IPO8: variants seen among roughly 807,000 people sequenced by gnomAD.
IPO8 encodes the protein importin 8, also known as importin-8.
A neutral mutation model predicts 141.2 loss-of-function variants in IPO8; 65 were observed. The ratio of observed to expected loss-of-function variants is 0.46; its 90% CI spans 0.38 to 0.57. The LOEUF is 0.57. IPO8 is among the 20% of genes least tolerant of loss of function. The pLI, the probability that IPO8 is intolerant of heterozygous loss-of-function variation, is 0.00. For missense variants in IPO8, 980 were observed against 1,246.8 expected, an observed-to-expected ratio of 0.79 and a Z score of 3.22; for synonymous variants, 411 against 420.3, an observed-to-expected ratio of 0.98 and a Z score of 0.27.
chr12:30,690,591 G>C lies in IPO8; in HGVS notation c.85-14C>G. ...AATCTTGTAGGACTGAAATTACAAAGAAATGTTTTATAAAATAGGGCAATA... is the reference window on the plus strand; with the variant it reads ...AATCTTGTAGGACTGAAATTACAAACAAATGTTTTATAAAATAGGGCAATA... On this transcript the variant is annotated splice_polypyrimidine_tract_variant and intron_variant, in intron 1 of 24. Coordinates refer to ENST00000256079, the MANE Select transcript of IPO8 (RefSeq NM_006390.4). The C allele has an allele frequency of 6.8e-7, 1 of 1,464,164 alleles. No individual in the cohort carries two copies. The highest frequency in any genetic ancestry group is 9.4e-7 in the Non-Finnish European group (1 of 1,061,668). The allele number at this position is 1,464,164 out of a possible 1,614,324, so 90.7% of individuals were successfully genotyped here.
intron 20 of IPO8, among the ~76,000 whole-genome samples, chr12:30,647,437 C>T (rs2136135310): frequency 6.6e-6 from 1 of 151,500 alleles, no homozygotes; most frequent in South Asian, 2.1e-4. Flanking sequence ...GTGGCTCATA[C>T]CTGTAGTCCC....
In IPO8 at chr12:30,668,541, C is replaced by T. The variant is rs1019124816; in HGVS notation, c.1144+642G>A. Among the ~76,000 whole-genome samples, 7 of 152,284 alleles carry T rather than the reference C, an allele frequency of 4.6e-5. No individual in the cohort carries two copies. In the South Asian group the frequency reaches 1.2e-3, roughly 27 times the overall value. On this transcript the variant is annotated intron_variant, in intron 10 of 24. Transcript: ENST00000256079. ...AAATTAAGCAAATAAGGTAAAATTC[C>T]TGTCCTGAGAAAGCTTCTAAGTTGT...
At chr12:30,671,685 A>G (rs1344146010) in intron 8 of IPO8, among the ~76,000 whole-genome samples, 8 of 150,700 alleles carry the variant, frequency 5.3e-5, no homozygotes, top group South Asian at 2.1e-4. Context: ...AAAAAAAAAA[A>G]AAAAAAAAAA....
chr12:30,683,328 A>G (rs1045998072), intron 3 of IPO8, among the ~76,000 whole-genome samples: 2 of 152,056 alleles, frequency 1.3e-5, no homozygotes, highest in Non-Finnish European at 2.9e-5. Context: ...TAAGAGTTCA[A>G]TGTTTGTTCT....
intron 5 of IPO8, chr12:30,676,900 T>C (rs1378715641): frequency 6.6e-7 from 1 of 1,519,234 alleles, no homozygotes; most frequent in Non-Finnish European, 8.8e-7. Flanking sequence ...ACTTACCCCT[T>C]TGAGGGTCAA....
At position 30,695,463 on chromosome 12, in the gene IPO8, C is replaced by T; in HGVS notation, c.84+101G>A. On this transcript the variant is annotated intron_variant, in intron 1 of 24. Transcript: ENST00000256079. This position sits in a 1 kb window ranked among gnomAD's most constrained non-coding sequence, Gnocchi z 4.2. ...CCAGCCGTGAGGCGTCAGCCCCAGC[C>T]CGGTGGGGGTGAGGACGAGGGGCGC... The T allele has an allele frequency of 9.8e-7, 1 of 1,023,894 alleles. No individual in the cohort carries two copies. Among genetic ancestry groups the T allele is most frequent in the Non-Finnish European group, 1.5e-6 (1 of 670,794 alleles). The allele number at this position is 1,023,894 out of a possible 1,614,324, so 63.4% of individuals were successfully genotyped here. A position where few individuals can be genotyped will look rare whatever the true frequency, so the allele number is the denominator to read the frequency against.
At chr12:30,631,399 C>A (rs538820825) in intron 24 of IPO8, among the ~76,000 whole-genome samples, 1 of 152,292 alleles carries the variant, frequency 6.6e-6, no homozygotes, top group South Asian at 2.1e-4. Flanking sequence ...TGACAATCTA[C>A]AAGTAACTAC....
intron 19 of IPO8, among the ~76,000 whole-genome samples, chr12:30,651,849 T>C (rs1311101491): frequency 1.3e-5 from 2 of 152,044 alleles, no homozygotes; most frequent in African/African-American, 2.4e-5. Context: ...TTCCAATATA[T>C]ACATTAAATT....
At chr12:30,646,568 A>T (rs1340853469) in intron 20 of IPO8, among the ~76,000 whole-genome samples, 3 of 152,168 alleles carry the variant, frequency 2.0e-5, no homozygotes. Flanking sequence ...AGATAATATG[A>T]TCCTGTTTAC....
At chr12:30,669,665 T>C (rs1179519983) in intron 9 of IPO8, among the ~76,000 whole-genome samples, 2 of 151,568 alleles carry the variant, frequency 1.3e-5, no homozygotes, top group African/African-American at 4.9e-5. Flanking sequence ...CATGGTGGCG[T>C]CCATCTTGGA....
At chr12:30,678,060 G>A (rs928086245) in intron 5 of IPO8, among the ~76,000 whole-genome samples, 3 of 151,240 alleles carry the variant, frequency 2.0e-5, no homozygotes, top group African/African-American at 4.9e-5. Context: ...GGGAGGCGGA[G>A]GTGGCAGTGA....
At chr12:30,667,071 A>G (rs574125707) in intron 10 of IPO8, among the ~76,000 whole-genome samples, 1 of 152,358 alleles carries the variant, frequency 6.6e-6, no homozygotes, top group South Asian at 2.1e-4. Flanking sequence ...CCTTGTTTAA[A>G]TACAAAAGAT....
At chr12:30,693,292 C>T (rs1305500025) in intron 1 of IPO8, among the ~76,000 whole-genome samples, 1 of 152,144 alleles carries the variant, frequency 6.6e-6, no homozygotes, top group Non-Finnish European at 1.5e-5. Flanking sequence ...ACTACAAATA[C>T]ATTTTCCCAC....
chr12:30,656,998 C>T (rs925992308), intron 16 of IPO8, among the ~76,000 whole-genome samples: 2 of 151,198 alleles, frequency 1.3e-5, no homozygotes, highest in African/African-American at 2.4e-5. Context: ...AAATAAATTC[C>T]TAATAGATAA....
chr12:30,652,316 G>A (rs1460032458), intron 18 of IPO8, 27 bp from the exon 19 acceptor site: 1 of 1,241,162 alleles, frequency 8.1e-7, no homozygotes, highest in Admixed American at 1.7e-5. Context: ...ATCCCAATGA[G>A]ACTTGAGTGA....
chr12:30,649,153 C>A lies in IPO8; in HGVS notation c.2252G>T (p.Gly751Val), dbSNP rs2052688793. The A allele has an allele frequency of 6.2e-7, 1 of 1,612,268 alleles. No individual in the cohort carries two copies. The highest frequency in any genetic ancestry group is 1.3e-5 in the African/African-American group (1 of 74,878). The change falls in exon 20 of 25, where the codon GGA (glycine) becomes GTA (valine). Residue 751 changes from glycine (G) to valine (V), a missense_variant. Physicochemically the swap from Gly to Val is moderately radical, Grantham distance 109. Coordinates refer to ENST00000256079, the MANE Select transcript of IPO8 (RefSeq NM_006390.4). ...LLEVIILQCK[G>V]RGIDQCIPLF... is the part of the protein sequence containing the mutation. ...ATATATTACCTGATCAATTCCCCTT[C>A]CTTTGCACTGAAGAATGATGACTTC...
chr12:30,639,772 A>T, intron 20 of IPO8, 37 bp from the exon 21 acceptor site: 1 of 1,496,670 alleles, frequency 6.7e-7, no homozygotes, highest in South Asian at 1.1e-5. Context: ...CCACACAGAC[A>T]GCCCAAGTAA....
intron 6 of IPO8, among the ~76,000 whole-genome samples, chr12:30,675,956 GTTT>G (rs955464821): frequency 6.6e-6 from 1 of 151,230 alleles, no homozygotes; most frequent in African/African-American, 2.4e-5. Context: ...TTATCAATAC[GTTT>G]TTTTTCTTTT....
intron 16 of IPO8, among the ~76,000 whole-genome samples, chr12:30,657,749 T>C (rs2052820911): frequency 6.6e-6 from 1 of 152,142 alleles, no homozygotes; most frequent in Non-Finnish European, 1.5e-5. Flanking sequence ...ACTTTATTGA[T>C]TGACATGGAA....
Sources: allele counts gnomAD v4.1 joint callset (sites outside exome capture counted in the v4.1 genomes callset), GRCh38; gene constraint gnomAD v4.1.1; non-coding constraint Gnocchi (gnomAD v3.1); transcripts MANE v1.5; gene names NCBI Gene and HGNC (gene_info 2026-07-23, HGNC 2026-07-21).